Variants in ZSCAN5A observed in about 807,000 individuals in gnomAD.
ZSCAN5A encodes zinc finger and SCAN domain containing 5A, also known as zinc finger and SCAN domain-containing protein 5A.
In ZSCAN5A, 12 loss-of-function variants were observed where a neutral mutation model predicts 23.7. That is an observed-to-expected ratio of 0.51 (90% CI 0.32 to 0.82). ZSCAN5A has a LOEUF of 0.82. ZSCAN5A is among the 40% of genes least tolerant of loss of function. ZSCAN5A has a pLI of 0.03. For synonymous variants in ZSCAN5A, 257 were observed against 239.9 expected, an observed-to-expected ratio of 1.07 and a Z score of -0.66; for missense variants, 597 against 617.9, an observed-to-expected ratio of 0.97 and a Z score of 0.36.
At chr19:56,291,513 G>C (rs749730123) in intron 2 of ZSCAN5A, among the ~76,000 whole-genome samples, 2 of 152,136 alleles carry the variant, frequency 1.3e-5, no homozygotes, top group Non-Finnish European at 2.9e-5. Flanking sequence ...GAGGAGCTAG[G>C]AAGAAGGCGT....
At chr19:56,335,457 T>C (rs1333895902) in intron 2 of ZSCAN5A, among the ~76,000 whole-genome samples, 1 of 152,180 alleles carries the variant, frequency 6.6e-6, no homozygotes, top group Non-Finnish European at 1.5e-5. Context: ...CTCCATCCCT[T>C]TATTTTGAGC....
chr19:56,272,780 A>C, intron 2 of ZSCAN5A: 1 of 724,110 alleles, frequency 1.4e-6, no homozygotes, highest in Non-Finnish European at 1.7e-6. Context: ...GTGGGTGACC[A>C]GAGAGTCCTG....
chr19:56,269,312 CATA>C (rs1450341039), intron 2 of ZSCAN5A, among the ~76,000 whole-genome samples: 1 of 152,090 alleles, frequency 6.6e-6, no homozygotes, highest in African/African-American at 2.4e-5. Flanking sequence ...AATTATATGG[CATA>C]ATAATATAAT....
At position 56,222,012 on chromosome 19, in the gene ZSCAN5A, C is replaced by T. The variant is rs201814043; in HGVS notation, c.1054G>A (p.Ala352Thr). ...VSHPDGQEAK[A>T]LPPFACDVCE... is the part of the protein sequence containing the mutation. ...ACGTCACATGCAAAGGGCGGCAGTGCCTTGGCTTCTTGGCCATCCGGGTGA... is the reference window on the plus strand; with the variant it reads ...ACGTCACATGCAAAGGGCGGCAGTGTCTTGGCTTCTTGGCCATCCGGGTGA... Residue 352 changes from alanine to threonine, a missense_variant, in exon 6 of 6, where the codon GCA becomes ACA. By Grantham distance (58) the Ala-to-Thr change is moderately conservative. Transcript: ENST00000683990. The T allele has an allele frequency of 3.2e-4, 511 of 1,614,200 alleles. 6 individuals are homozygous for T. In the South Asian group the frequency reaches 3.6e-3, roughly 11 times the overall value.
intron 2 of ZSCAN5A, among the ~76,000 whole-genome samples, chr19:56,253,836 G>A (rs188087643): frequency 3.2e-4 from 49 of 152,236 alleles, no homozygotes; most frequent in South Asian, 2.5e-3. Context: ...TGTCTAAGCC[G>A]GTGCCACTAG....
chr19:56,302,121 A>G (rs1010527536), intron 2 of ZSCAN5A: 1 of 1,229,002 alleles, frequency 8.1e-7, no homozygotes, highest in Non-Finnish European at 1.0e-6. Context: ...CACGGAGGGG[A>G]GGAGTGTGAG....
intron 2 of ZSCAN5A, among the ~76,000 whole-genome samples, chr19:56,275,466 C>T (rs115365603): frequency 0.014 from 2,151 of 152,282 alleles, 49 homozygotes; most frequent in African/African-American, 0.049. Context: ...TGCAGTGGCT[C>T]AAGCCTTTAA....
At position 56,314,834 on chromosome 19, in the gene ZSCAN5A, C is replaced by T. The variant is rs1402980809; in HGVS notation, c.-383G>A. On this transcript the variant is annotated 5_prime_UTR_variant, in exon 1 of 6. The change abolishes the stop of an existing upstream ORF in the 5' untranslated region. Coordinates refer to ENST00000683990, the MANE Select transcript of ZSCAN5A (RefSeq NM_001322064.3). ...GCCTGGATCGGGAACTTGTCGCATT[C>T]ACATTGGCTGCTAGGAGGCCTCGGC... The T allele has an allele frequency of 6.6e-6, 1 of 152,278 alleles. No homozygotes were observed. 9.4% of individuals were successfully genotyped at this position (152,278 alleles called of 1,614,324 possible). A position where few individuals can be genotyped will look rare whatever the true frequency, so the allele number is the denominator to read the frequency against.
intron 2 of ZSCAN5A, chr19:56,300,121 T>A (rs1254416025): frequency 6.6e-6 from 1 of 151,958 alleles, no homozygotes; most frequent in Non-Finnish European, 1.5e-5. Context: ...CAAAATATCC[T>A]CCAAACCCAG....
At chr19:56,258,728 C>T (rs779088285) in intron 2 of ZSCAN5A, among the ~76,000 whole-genome samples, 3 of 152,320 alleles carry the variant, frequency 2.0e-5, no homozygotes, top group African/African-American at 4.8e-5. Flanking sequence ...AGGTCCTCAT[C>T]AAGAGGTGGA....
rs141059631 is a variant in ZSCAN5A at position 56,242,182 on chromosome 19, G to A, written c.-127-17009C>T. ...GGGGCGCAGAGGACCCCTTTCCCCC[G>A]AATCCTCACCAACACTCGTTCCATG... On this transcript the variant is annotated intron_variant, in intron 2 of 5. Transcript: ENST00000683990. Among the ~76,000 whole-genome samples, 487 of 151,974 alleles carry A rather than the reference G, an allele frequency of 3.2e-3. 1 individual carries two copies. Among genetic ancestry groups the A allele is most frequent in the African/African-American group, 9.9e-3 (411 of 41,454 alleles).
chr19:56,302,656 T>C lies in ZSCAN5A; in HGVS notation c.-128+10627A>G, dbSNP rs186195444. 2.3e-3 allele frequency among the ~76,000 whole-genome samples: 168 copies of C among 71,800 alleles called. 1 individual carries two copies. The highest frequency in any genetic ancestry group is 0.021 in the Middle Eastern group (2 of 96). 47.1% of individuals were successfully genotyped at this position (71,800 alleles called of 152,430 possible). A position where few individuals can be genotyped will look rare whatever the true frequency, so the allele number is the denominator to read the frequency against. ...TCCTCCCTTCCTTTTCTTCCCCCCC[T>C]CCCTGTTCTTTCCTTCCTCCTTCCC... On this transcript the variant is annotated intron_variant, in intron 2 of 5. Transcript: ENST00000683990.
At chr19:56,323,480 T>C (rs1283885596) in intron 2 of ZSCAN5A, among the ~76,000 whole-genome samples, 2 of 149,436 alleles carry the variant, frequency 1.3e-5, no homozygotes, top group African/African-American at 2.5e-5. Flanking sequence ...GGCAAAAAAA[T>C]ATGTTTGATC....
rs201138083 is a variant in ZSCAN5A at position 56,246,636 on chromosome 19, G to A, written c.-127-21463C>T. The A allele has an allele frequency of 8.9e-5, 64 of 721,994 alleles. No individual in the cohort carries two copies. In the East Asian group the frequency reaches 1.5e-3, roughly 16 times the overall value. The allele number at this position is 721,994 out of a possible 1,614,324, so 44.7% of individuals were successfully genotyped here. A position where few individuals can be genotyped will look rare whatever the true frequency, so the allele number is the denominator to read the frequency against. On this transcript the variant is annotated intron_variant, in intron 2 of 5. Coordinates refer to ENST00000683990, the MANE Select transcript of ZSCAN5A (RefSeq NM_001322064.3). ...AATGTCTTAGGTTTAAGGTTGAGGG[G>A]AAGTTGTCAGCCAACATCAGTGTTT...
At chr19:56,319,495 C>CG (rs1157133681), upstream of ZSCAN5A, among the ~76,000 whole-genome samples, 11 of 45,152 alleles carry the variant, frequency 2.4e-4, no homozygotes, top group African/African-American at 6.3e-4. Context: ...GGCTCCATCT[C>CG]GGGAAAAAAA....
chr19:56,253,057 A>AG (rs1222056647), intron 2 of ZSCAN5A, among the ~76,000 whole-genome samples: 3 of 152,208 alleles, frequency 2.0e-5, no homozygotes, highest in African/African-American at 7.2e-5. Context: ...CCGTGATTGC[A>AG]GGGCCGGCAC....
intron 2 of ZSCAN5A, among the ~76,000 whole-genome samples, chr19:56,329,821 T>A (rs1486526124): frequency 6.6e-6 from 1 of 152,216 alleles, no homozygotes; most frequent in Non-Finnish European, 1.5e-5. Flanking sequence ...TTTTTATTTT[T>A]AAAAAATTTT....
rs773852537 is a variant in ZSCAN5A at position 56,246,434 on chromosome 19, C to T, written c.-127-21261G>A. 5.3e-6 allele frequency: 3 copies of T among 569,670 alleles called. No homozygotes were observed. The South Asian group carries it at 7.3e-5, about 14-fold the overall frequency. 35.3% of individuals were successfully genotyped at this position (569,670 alleles called of 1,614,324 possible). A position where few individuals can be genotyped will look rare whatever the true frequency, so the allele number is the denominator to read the frequency against. On this transcript the variant is annotated intron_variant, in intron 2 of 5. Transcript: ENST00000683990. ...GACAGGGAAGAAAACACGGGACTTA[C>T]ATCCCCAGAGCCTCAGCTTCCAAAC... is the stretch of plus-strand genomic sequence containing the variant.
At chr19:56,346,282 G>A (rs2041632073) in intron 2 of ZSCAN5A, among the ~76,000 whole-genome samples, 1 of 152,144 alleles carries the variant, frequency 6.6e-6, no homozygotes, top group Non-Finnish European at 1.5e-5. Context: ...TATGATTATG[G>A]AGTGCTCTGA....
Sources: allele counts gnomAD v4.1 joint callset (sites outside exome capture counted in the v4.1 genomes callset), GRCh38; gene constraint gnomAD v4.1.1; transcripts MANE v1.5; gene names NCBI Gene and HGNC (gene_info 2026-07-23, HGNC 2026-07-21).